SRGAP3: variants seen among roughly 807,000 people sequenced by gnomAD.
SRGAP3 encodes SLIT-ROBO Rho GTPase activating protein 3, also known as SLIT-ROBO Rho GTPase-activating protein 3.
SRGAP3 carries 39 observed loss-of-function variants against 121.1 expected under a neutral mutation model. The observed-to-expected ratio is 0.32, with a 90% CI of 0.25 to 0.42. The LOEUF (loss-of-function observed/expected upper bound fraction) is 0.42, where lower values mean the gene tolerates loss of function less well. SRGAP3 is among the 10% of genes least tolerant of loss of function. The pLI is 1.00. For synonymous variants in SRGAP3, 601 were observed against 570.0 expected, an observed-to-expected ratio of 1.05 and a Z score of -0.77; for missense variants, 1,213 against 1,470.6, an observed-to-expected ratio of 0.82 and a Z score of 2.86.
intron 9 of SRGAP3, among the ~76,000 whole-genome samples, chr3:9,050,798 G>A (rs1945530421): frequency 6.6e-6 from 1 of 152,178 alleles, no homozygotes; most frequent in African/African-American, 2.4e-5. Context: ...CCATGGAAGT[G>A]GTGAATACCA....
At chr3:9,335,019 T>C (rs1955668811) in intron 1 of SRGAP3, among the ~76,000 whole-genome samples, 1 of 152,232 alleles carries the variant, frequency 6.6e-6, no homozygotes. Context: ...AGCAGGCCTA[T>C]GGGAACTCTG....
chr3:9,179,040 T>C (rs1304650917), intron 1 of SRGAP3, among the ~76,000 whole-genome samples: 1 of 152,166 alleles, frequency 6.6e-6, no homozygotes, highest in Non-Finnish European at 1.5e-5. Context: ...CCTTCTGAGT[T>C]TCCGATCCTG....
In SRGAP3 at chr3:9,243,419, G is replaced by C. The variant is rs866537785; in HGVS notation, c.67+5466C>G. Among the ~76,000 whole-genome samples, 5 of 152,222 alleles carry C rather than the reference G, an allele frequency of 3.3e-5. No individual in the cohort carries two copies. In the South Asian group the frequency reaches 6.2e-4, roughly 19 times the overall value. On this transcript the variant is annotated intron_variant, in intron 1 of 21. Transcript: ENST00000383836. ...GGAGGCCGAGGCAGGCGGATCACTT[G>C]AGGTCAGGAGTTCAAGACCAGTCTG... is the stretch of plus-strand genomic sequence containing the variant.
At chr3:9,188,535 C>G (rs1387010029) in intron 1 of SRGAP3, among the ~76,000 whole-genome samples, 1 of 152,228 alleles carries the variant, frequency 6.6e-6, no homozygotes, top group African/African-American at 2.4e-5. Context: ...TTCTTATCCA[C>G]TGACAGAATG....
At chr3:9,312,349 G>A (rs1337381289) in intron 3 of SRGAP3, among the ~76,000 whole-genome samples, 1 of 152,156 alleles carries the variant, frequency 6.6e-6, no homozygotes, top group African/African-American at 2.4e-5. Context: ...TAGAGACGGA[G>A]TTTCACCATG....
chr3:9,212,782 T>A (rs1054052262), intron 1 of SRGAP3, among the ~76,000 whole-genome samples: 7 of 152,194 alleles, frequency 4.6e-5, no homozygotes, highest in African/African-American at 1.7e-4. Flanking sequence ...AGAACGTGTG[T>A]CCTCCTGTTC....
chr3:9,338,106 T>C (rs527566620), intron 1 of SRGAP3, among the ~76,000 whole-genome samples: 2 of 152,292 alleles, frequency 1.3e-5, no homozygotes, highest in African/African-American at 4.8e-5. Context: ...TGTGCAGTGA[T>C]ATTAAAGCAG....
At chr3:9,098,073 C>T (rs1948062413) in intron 3 of SRGAP3, among the ~76,000 whole-genome samples, 1 of 152,072 alleles carries the variant, frequency 6.6e-6, no homozygotes, top group Non-Finnish European at 1.5e-5. Context: ...AATGCTGCTT[C>T]CCCCACCTCT....
rs111936459 is a variant in SRGAP3 at position 9,164,276 on chromosome 3, T to TTTTATTTATTTA, written c.68-39371_68-39360dup. On this transcript the variant is annotated intron_variant, in intron 1 of 21. Coordinates refer to ENST00000383836, the MANE Select transcript of SRGAP3 (RefSeq NM_014850.4). ...CCCAAATCTCCTGACACCCAGACTATTTTATTTATTTATTTATTTATTTAT... is the reference window on the plus strand; with the variant it reads ...CCCAAATCTCCTGACACCCAGACTATTTTATTTATTTATTTATTTATTTATTTATTTATTTAT... Among the ~76,000 whole-genome samples, 821 of 140,834 alleles carry TTTTATTTATTTA rather than the reference T, an allele frequency of 5.8e-3. 7 individuals carry two copies. The highest frequency in any genetic ancestry group is 0.026 in the East Asian group (125 of 4,900). 92.4% of individuals were successfully genotyped at this position (140,834 alleles called of 152,430 possible). A position where few individuals can be genotyped will look rare whatever the true frequency, so the allele number is the denominator to read the frequency against.
chr3:9,225,474 C>T (rs890719319), intron 1 of SRGAP3, among the ~76,000 whole-genome samples: 11 of 152,160 alleles, frequency 7.2e-5, no homozygotes, highest in Admixed American at 6.5e-4. Flanking sequence ...CCACTGGGGG[C>T]CTTGGAGCCA....
intron 12 of SRGAP3, among the ~76,000 whole-genome samples, chr3:9,032,049 G>T (rs1944512114): frequency 6.6e-6 from 1 of 152,166 alleles, no homozygotes; most frequent in South Asian, 2.1e-4. Flanking sequence ...TTTAGTTTAA[G>T]GTACAAAGGA....
chr3:9,279,079 C>A (rs7640847), intron 3 of SRGAP3, among the ~76,000 whole-genome samples: 1 of 151,592 alleles, frequency 6.6e-6, no homozygotes, highest in African/African-American at 2.4e-5. Context: ...GCCAAGACTG[C>A]GCCATTGCAC....
chr3:9,349,108 GA>G, intron 1 of SRGAP3: 1 of 866,602 alleles, frequency 1.2e-6, no homozygotes, highest in South Asian at 1.3e-5. Context: ...ACAAGAACTT[GA>G]AACCCATACA....
At chr3:9,212,650 G>C (rs560374898) in intron 1 of SRGAP3, among the ~76,000 whole-genome samples, 35 of 152,346 alleles carry the variant, frequency 2.3e-4, no homozygotes, top group Middle Eastern at 3.4e-3. Flanking sequence ...GGGAGTCAGA[G>C]GTTGCAGTGA....
chr3:9,015,447 G>C (rs371372341), intron 15 of SRGAP3, 150 bp downstream of exon 15: 21 of 1,034,086 alleles, frequency 2.0e-5, no homozygotes, highest in African/African-American at 1.9e-4. Flanking sequence ...AAACCATCTT[G>C]TTATTTCCGC....
At chr3:9,322,299 G>A (rs1955450458) in intron 3 of SRGAP3, among the ~76,000 whole-genome samples, 1 of 151,860 alleles carries the variant, frequency 6.6e-6, no homozygotes, top group Admixed American at 6.5e-5. Flanking sequence ...TGGATTTAAG[G>A]TGGATTGGAC....
chr3:9,285,756 G>A (rs1432231470), intron 3 of SRGAP3, among the ~76,000 whole-genome samples: 4 of 142,678 alleles, frequency 2.8e-5, no homozygotes, highest in Non-Finnish European at 6.1e-5. Context: ...GCAACATAGT[G>A]ACGCCCCACC....
intron 12 of SRGAP3, among the ~76,000 whole-genome samples, chr3:9,030,429 T>A (rs1944426136): frequency 6.6e-6 from 1 of 152,182 alleles, no homozygotes; most frequent in Non-Finnish European, 1.5e-5. Context: ...AACGGAGCTT[T>A]CTATTCCAAA....
chr3:9,337,086 C>T (rs909950165), intron 1 of SRGAP3, among the ~76,000 whole-genome samples: 1 of 152,032 alleles, frequency 6.6e-6, no homozygotes, highest in Non-Finnish European at 1.5e-5. Context: ...TGAGCCCTTG[C>T]AAAAAGGCAG....
Sources: allele counts gnomAD v4.1 joint callset (sites outside exome capture counted in the v4.1 genomes callset), GRCh38; gene constraint gnomAD v4.1.1; transcripts MANE v1.5; gene names NCBI Gene and HGNC (gene_info 2026-07-23, HGNC 2026-07-21).